The following ERG variants were observed in gnomAD, a reference collection of about 807,000 sequenced individuals.
The protein encoded by ERG is ETS transcription factor ERG.
A neutral mutation model predicts 55.3 loss-of-function variants in ERG; 9 were observed. The observed-to-expected ratio is 0.16, with a 90% CI of 0.10 to 0.28. The LOEUF (loss-of-function observed/expected upper bound fraction) is 0.28. ERG is among the 10% of genes least tolerant of loss of function. The probability of loss-of-function intolerance (pLI) is 1.00; values close to 1 mark genes in which losing one functional copy is unlikely to be tolerated. For synonymous variants in ERG, 223 were observed against 237.3 expected, an observed-to-expected ratio of 0.94 and a Z score of 0.55; for missense variants, 434 against 631.6, an observed-to-expected ratio of 0.69 and a Z score of 3.35.
chr21:38,651,641 T>C (rs1258385557), intron 1 of ERG, among the ~76,000 whole-genome samples: 1 of 152,244 alleles, frequency 6.6e-6, no homozygotes, highest in African/African-American at 2.4e-5. Flanking sequence ...ATTTGGCTAC[T>C]GGAAGATTTA....
At position 38,383,432 on chromosome 21, in the gene ERG, T is replaced by C; in HGVS notation, c.1411A>G (p.Met471Val). 1.3e-6 allele frequency: 2 copies of C among 1,513,722 alleles called. No homozygotes were observed. The highest frequency in any genetic ancestry group is 2.7e-5 in the South Asian group (2 of 74,532). 93.8% of individuals were successfully genotyped at this position (1,513,722 alleles called of 1,614,324 possible). The stretch of plus-strand genomic sequence containing the variant: ...TAGTAAGTGCCCAGATGAGAAGGCA[T>C]ATGGCTGGTGGGGAGCCTAGTGTTG... ...YPNTRLPTSH[M>V]PSHLGTYY Residue 471 changes from methionine (M) to valine (V), a missense_variant, in exon 10 of 10, where the codon ATG becomes GTG. Met to Val is a conservative substitution (Grantham distance 21, BLOSUM62 1). This residue lies in a region of ERG where 107 missense variants were observed against 126.8 expected (regional missense o/e 0.84). Transcript: ENST00000288319. The surrounding 1 kb of genome is among the most constrained non-coding windows in gnomAD (Gnocchi z 5.7).
chr21:38,399,065 C>T (rs1432224715), intron 6 of ERG, among the ~76,000 whole-genome samples: 2 of 152,194 alleles, frequency 1.3e-5, no homozygotes, highest in African/African-American at 4.8e-5. Flanking sequence ...CTATTTTCCA[C>T]TCGCAATACA....
chr21:38,611,086 C>T (rs1003726005), intron 1 of ERG, among the ~76,000 whole-genome samples: 1 of 152,188 alleles, frequency 6.6e-6, no homozygotes, highest in East Asian at 1.9e-4. Context: ...ACAAGGGCTT[C>T]ACCCTTGGCT....
chr21:38,619,461 C>A (rs2060277451), intron 1 of ERG, among the ~76,000 whole-genome samples: 2 of 152,302 alleles, frequency 1.3e-5, no homozygotes, highest in South Asian at 4.1e-4. Flanking sequence ...CTGCTTCACT[C>A]TCTGGCCTTG....
chr21:38,495,383 A>G (rs1485803021), intron 1 of ERG, among the ~76,000 whole-genome samples: 3 of 152,374 alleles, frequency 2.0e-5, no homozygotes, highest in African/African-American at 4.8e-5. Context: ...AGTCATGGAA[A>G]TAGCACTAGG....
At chr21:38,510,985 C>A (rs2059507115) in intron 2 of ERG, among the ~76,000 whole-genome samples, 1 of 152,188 alleles carries the variant, frequency 6.6e-6, no homozygotes, top group African/African-American at 2.4e-5. Context: ...ACTAGATATT[C>A]CTGTCATGAC....
intron 1 of ERG, chr21:38,661,629 G>C (rs1395932681): frequency 2.0e-5 from 3 of 152,346 alleles, no homozygotes; most frequent in South Asian, 4.1e-4. Context: ...TCGTTTCTAC[G>C]CGAATTCCGA....
intron 8 of ERG, 128 bp from the exon 9 acceptor site, chr21:38,391,170 A>C (rs1054034280): frequency 6.7e-6 from 5 of 750,884 alleles, no homozygotes; most frequent in African/African-American, 1.8e-5. Flanking sequence ...CCAACTCCAA[A>C]TCAACTGCCT....
chr21:38,404,492 TCTC>T (rs1157264711), intron 3 of ERG, among the ~76,000 whole-genome samples: 2 of 152,060 alleles, frequency 1.3e-5, no homozygotes, highest in East Asian at 3.8e-4. Context: ...GAGCAGGTGA[TCTC>T]CAACAGAAAC....
At chr21:38,476,948 T>C (rs80206077) in intron 1 of ERG, among the ~76,000 whole-genome samples, 1,930 of 152,122 alleles carry the variant, frequency 0.013, 44 homozygotes, top group African/African-American at 0.044. Context: ...CAGAAACCCA[T>C]GTGTCCTATA....
intron 2 of ERG, among the ~76,000 whole-genome samples, chr21:38,536,440 C>A (rs895644519): frequency 1.3e-5 from 2 of 152,196 alleles, no homozygotes; most frequent in African/African-American, 4.8e-5. Flanking sequence ...TCCTTCCATA[C>A]CAGATCCAGC....
intron 2 of ERG, among the ~76,000 whole-genome samples, chr21:38,547,563 C>T (rs1056395533): frequency 6.6e-6 from 1 of 152,082 alleles, no homozygotes; most frequent in Non-Finnish European, 1.5e-5. Context: ...TTAAAGAGGG[C>T]GACTCGATCA....
intron 9 of ERG, among the ~76,000 whole-genome samples, chr21:38,384,371 A>G (rs572565206): frequency 4.6e-5 from 7 of 152,198 alleles, no homozygotes; most frequent in African/African-American, 1.4e-4. Flanking sequence ...ACATGCCGTT[A>G]ATCAGTCACC....
At chr21:38,606,329 G>A (rs1274112929) in intron 1 of ERG, among the ~76,000 whole-genome samples, 1 of 152,158 alleles carries the variant, frequency 6.6e-6, no homozygotes, top group African/African-American at 2.4e-5. Flanking sequence ...CAGATAGATA[G>A]ATAAACTGAT....
chr21:38,620,791 T>C (rs1289210287), intron 1 of ERG, among the ~76,000 whole-genome samples: 1 of 152,088 alleles, frequency 6.6e-6, no homozygotes. Flanking sequence ...GGGAGCAGAG[T>C]GGTTCCGCAG....
upstream of ERG, among the ~76,000 whole-genome samples, chr21:38,588,221 T>TGC (rs1386654584): frequency 3.9e-5 from 6 of 152,128 alleles, no homozygotes; most frequent in African/African-American, 1.4e-4. Context: ...AGAACATTGG[T>TGC]AAGAGTGCAA....
At chr21:38,384,867 C>T (rs898970577) in intron 9 of ERG, among the ~76,000 whole-genome samples, 2 of 149,696 alleles carry the variant, frequency 1.3e-5, no homozygotes, top group African/African-American at 4.9e-5. Flanking sequence ...CTTTTTCAAA[C>T]CAGATCACCC....
chr21:38,614,915 T>C (rs2060249852), intron 1 of ERG, among the ~76,000 whole-genome samples: 1 of 152,218 alleles, frequency 6.6e-6, no homozygotes, highest in Non-Finnish European at 1.5e-5. Flanking sequence ...AGCCCAAGAT[T>C]GTCCGGCTCT....
intron 3 of ERG, among the ~76,000 whole-genome samples, chr21:38,405,550 C>T (rs1048877075): frequency 6.6e-5 from 10 of 152,112 alleles, no homozygotes; most frequent in African/African-American, 2.4e-4. Context: ...TTGATAACAG[C>T]TCCCCCAGGT....
Sources: allele counts gnomAD v4.1 joint callset (sites outside exome capture counted in the v4.1 genomes callset), GRCh38; gene constraint gnomAD v4.1.1; regional missense constraint gnomAD v4.1.1; non-coding constraint Gnocchi (gnomAD v3.1); transcripts MANE v1.5; gene names NCBI Gene and HGNC (gene_info 2026-07-23, HGNC 2026-07-21).